Variants in AMT observed in about 807,000 individuals in gnomAD.
AMT encodes aminomethyltransferase, mitochondrial.
In AMT, 24 loss-of-function variants were observed where a neutral mutation model predicts 39.5. That is an observed-to-expected ratio of 0.61 (90% CI 0.44 to 0.86). AMT has a LOEUF of 0.86. Ranked by LOEUF, AMT falls within the 40% of genes least tolerant of loss-of-function variation. The probability of loss-of-function intolerance (pLI) is 0.00; values close to 1 mark genes in which losing one functional copy is unlikely to be tolerated. For synonymous variants in AMT, 210 were observed against 212.1 expected (o/e 0.99, Z 0.09); for missense variants, 501 against 537.0 (o/e 0.93, Z 0.66).
rs374539303 is a variant in AMT, at chr3:49,417,851, T to C, written c.1000A>G (p.Ser334Gly). ...GTACCCTCCATGTTCAGGATGGGAC[T>C]GTGTGCCCGCATGGGGGCCCCCTCA... ...MCEGAPMRAH[S>G]PILNMEGTKI... Residue 334 changes from serine to glycine, a missense_variant, in exon 8 of 9, where the codon AGT becomes GGT. Transcript: ENST00000273588. 6.2e-7 allele frequency: 1 copy of C among 1,614,160 alleles called. No homozygotes were observed. The highest frequency in any genetic ancestry group is 1.1e-5 in the South Asian group (1 of 91,080).
chr3:49,418,269 G>A, intron 7 of AMT: 1 of 429,616 alleles, frequency 2.3e-6, no homozygotes, highest in Non-Finnish European at 4.3e-6. Flanking sequence ...TGCAAACTCT[G>A]CCTCCCAGGT....
chr3:49,419,952 C>T (rs958569158), intron 4 of AMT, 164 bp from the exon 5 acceptor site: 2 of 824,350 alleles, frequency 2.4e-6, no homozygotes, highest in Admixed American at 2.0e-5. Flanking sequence ...CACATAGCTA[C>T]TAAGTGATAG....
Position 49,419,108 on chromosome 3 carries a change from A to G in AMT, c.740T>C (p.Ile247Thr), listed in dbSNP as rs1434755088. Residue 247 changes from isoleucine (I) to threonine (T), a missense_variant, in exon 7 of 9, where the codon ATT becomes ACT. By Grantham distance (89) the Ile-to-Thr change is moderately conservative. Transcript: ENST00000273588. ...CAGCTTCACCTCTGGGTTTTTCAGAATAGCTGTTGCCAGGTGAACTGCCCC... is the reference window on the plus strand; with the variant it reads ...CAGCTTCACCTCTGGGTTTTTCAGAGTAGCTGTTGCCAGGTGAACTGCCCC... ...VAGAVHLATA[I>T]LKNPEVKLAG... 1.2e-6 allele frequency: 2 copies of G among 1,613,932 alleles called. No individual in the cohort carries two copies. Among genetic ancestry groups the G allele is most frequent in the African/African-American group, 1.3e-5 (1 of 74,882 alleles).
In AMT at chr3:49,419,340, T is replaced by C. The variant is rs758841205; in HGVS notation, c.616A>G (p.Thr206Ala). 1.3e-5 allele frequency: 21 copies of C among 1,614,144 alleles called. No individual in the cohort carries two copies. Among genetic ancestry groups the C allele is most frequent in the Non-Finnish European group, 1.7e-5 (20 of 1,180,026 alleles). Residue 206 changes from threonine (T) to alanine (A), a missense_variant, in exon 6 of 9, where the codon ACC becomes GCC. Transcript: ENST00000273588. ...CCAAACACCTCCATCACAGCACTGG[T>C]CATGAAGGGCAGTTTCCTCAGGTCA... is the stretch of plus-strand genomic sequence containing the variant. Reference protein sequence around the residue: ...ADDLRKLPFMTSAVMEVFGVS... With the variant: ...ADDLRKLPFMASAVMEVFGVS...
Position 49,417,416 on chromosome 3 carries a change from A to G in AMT, c.*124T>C, listed in dbSNP as rs2049016623. 3.7e-6 allele frequency: 6 copies of G among 1,611,214 alleles called. No individual in the cohort carries two copies. The highest frequency in any genetic ancestry group is 1.1e-5 in the South Asian group (1 of 91,086). On this transcript the variant is annotated 3_prime_UTR_variant, in exon 9 of 9. Coordinates refer to ENST00000273588, the MANE Select transcript of AMT (RefSeq NM_000481.4). ...GGGGAATAGGTGGTGTGGCCCCTCA[A>G]CCAGACAATTAGAATCAGCCTCCAC...
chr3:49,422,254 T>C lies in AMT; in HGVS notation c.108A>G (p.Thr36=), dbSNP rs1179441264. ...LSCAQEVLRR[T]PLYDFHLAHG... ...GGGCCAGGTGGAAGTCATAGAGCGGTGTCCTGCGGAGCACCTCCTGTGGGC... is the reference window on the plus strand; with the variant it reads ...GGGCCAGGTGGAAGTCATAGAGCGGCGTCCTGCGGAGCACCTCCTGTGGGC... The change falls in exon 2 of 9, where the codon ACA becomes ACG. Residue 36 remains threonine, a synonymous_variant. Coordinates refer to ENST00000273588, the MANE Select transcript of AMT (RefSeq NM_000481.4). The C allele has an allele frequency of 1.2e-6, 2 of 1,613,876 alleles. No individual in the cohort carries two copies. The highest frequency in any genetic ancestry group is 1.7e-6 in the Non-Finnish European group (2 of 1,179,986).
chr3:49,421,330 TGTC>T, intron 3 of AMT, 159 bp downstream of exon 3: 1 of 682,718 alleles, frequency 1.5e-6, no homozygotes, highest in African/African-American at 1.8e-5. Flanking sequence ...TCCCTACAAA[TGTC>T]TGTGTCTCTG....
At chr3:49,418,178 CTTCAGTTTCT>C (rs2049032460) in intron 7 of AMT, 2 of 597,836 alleles carry the variant, frequency 3.3e-6, no homozygotes, top group African/African-American at 3.8e-5. Flanking sequence ...TGCCGAGCGT[CTTCAGTTTCT>C]TTTTTTTTTT....
rs893122699 is a variant in AMT, at chr3:49,419,171, G to A, written c.697-20C>T. 3 of 1,613,282 alleles carry A rather than the reference G, an allele frequency of 1.9e-6. No individual in the cohort carries two copies. The highest frequency in any genetic ancestry group is 1.1e-5 in the South Asian group (1 of 90,998). ...CGAGATCTGTATGAAACACCAGAGGGCAGATGGGAAGCTCCCTGTACCACA... is the reference window on the plus strand; with the variant it reads ...CGAGATCTGTATGAAACACCAGAGGACAGATGGGAAGCTCCCTGTACCACA... On this transcript the variant is annotated intron_variant, in intron 6 of 8. Transcript: ENST00000273588.
At chr3:49,419,927 C>A in intron 4 of AMT, 139 bp from the exon 5 acceptor site, 1 of 908,526 alleles carries the variant, frequency 1.1e-6, no homozygotes, top group Non-Finnish European at 1.8e-6. Flanking sequence ...TAGGCTGGTT[C>A]CCATCTTACA....
intron 4 of AMT, 90 bp from the exon 5 acceptor site, chr3:49,419,878 G>T: frequency 8.0e-7 from 1 of 1,251,856 alleles, no homozygotes; most frequent in Non-Finnish European, 1.2e-6. Context: ...TAGTAGGACA[G>T]TGGAGAGGAG....
chr3:49,422,058 A>G (rs561553689), intron 2 of AMT, 46 bp downstream of exon 2: 2 of 1,612,148 alleles, frequency 1.2e-6, no homozygotes, highest in South Asian at 2.2e-5. Context: ...CACTGTAAAC[A>G]GGGAGGAAGG....
chr3:49,420,413 C>G, intron 3 of AMT, 71 bp from the exon 4 acceptor site: 1 of 1,610,522 alleles, frequency 6.2e-7, no homozygotes, highest in Non-Finnish European at 8.5e-7. Context: ...CAGACACAAC[C>G]CTGGACCCAC....
chr3:49,419,519 G>A, intron 5 of AMT, 114 bp from the exon 6 acceptor site: 1 of 1,534,812 alleles, frequency 6.5e-7, no homozygotes, highest in South Asian at 1.2e-5. Flanking sequence ...TCTGCAAGTG[G>A]GAGAAGATGC....
intron 3 of AMT, chr3:49,421,131 C>G (rs2049094866): frequency 3.1e-6 from 1 of 318,992 alleles, no homozygotes; most frequent in South Asian, 2.8e-5. Context: ...TCTCGAACTC[C>G]TGACCTCAGG....
chr3:49,418,030 G>A (rs1286831189), intron 7 of AMT, 57 bp from the exon 8 acceptor site: 3 of 1,555,310 alleles, frequency 1.9e-6, no homozygotes, highest in Non-Finnish European at 2.6e-6. Flanking sequence ...GGCCACAGGA[G>A]GTCCTTATGA....
In AMT at chr3:49,419,047, C is replaced by T. The variant is rs764968452; in HGVS notation, c.801G>A (p.Glu267=). ...CATTCCCATACAGGCAGAGGCCTGCCTCCAGGCGCAGGCTGTCCCTGGCTG... is the reference window on the plus strand; with the variant it reads ...CATTCCCATACAGGCAGAGGCCTGCTTCCAGGCGCAGGCTGTCCCTGGCTG... ...GLAARDSLRL[E]AGLCLYGNDI... Residue 267 remains glutamate, a synonymous_variant, in exon 7 of 9, where the codon GAG becomes GAA. Coordinates refer to ENST00000273588, the MANE Select transcript of AMT (RefSeq NM_000481.4). 3 of 1,614,138 alleles carry T rather than the reference C, an allele frequency of 1.9e-6. No homozygotes were observed. Among genetic ancestry groups the T allele is most frequent in the South Asian group, 1.1e-5 (1 of 91,082 alleles).
rs749313171 is a variant in AMT at position 49,419,377 on chromosome 3, G to A, written c.579C>T (p.Ala193=). ...GTTTCCTCAGGTCATCTGCCACGCC[G>A]GCCTGTAGTACCTGGGCTGCAGTGG... The part of the protein sequence containing the change: ...QGPTAAQVLQ[A]GVADDLRKLP... The change falls in exon 6 of 9, where the codon GCC becomes GCT. Residue 193 remains alanine, a synonymous_variant. Coordinates refer to ENST00000273588, the MANE Select transcript of AMT (RefSeq NM_000481.4). 6.8e-6 allele frequency: 11 copies of A among 1,613,958 alleles called. No homozygotes were observed. Among genetic ancestry groups the A allele is most frequent in the East Asian group, 4.5e-5 (2 of 44,890 alleles).
rs144790394 is a variant in AMT at position 49,419,401 on chromosome 3, G to A, written c.555C>T (p.Pro185=). ...LDNALLALQG[P]TAAQVLQAGV... ...CGGCCTGTAGTACCTGGGCTGCAGTGGGGCCTGGGCCCAGGGAGCCAGTGA... is the reference window on the plus strand; with the variant it reads ...CGGCCTGTAGTACCTGGGCTGCAGTAGGGCCTGGGCCCAGGGAGCCAGTGA... Residue 185 remains proline, a synonymous_variant, in exon 6 of 9, where the codon CCC becomes CCT. Transcript: ENST00000273588. The A allele has an allele frequency of 2.3e-4, 373 of 1,613,740 alleles. No individual in the cohort carries two copies. The highest frequency in any genetic ancestry group is 3.1e-4 in the Non-Finnish European group (364 of 1,179,932).
Sources: allele counts gnomAD v4.1 joint callset, GRCh38; gene constraint gnomAD v4.1.1; transcripts MANE v1.5; gene names NCBI Gene and HGNC (gene_info 2026-07-23, HGNC 2026-07-21).